Variants in IL17REL observed in about 807,000 individuals in gnomAD.
IL17REL encodes interleukin-17 receptor E-like protein.
In IL17REL, 36 loss-of-function variants were observed where a neutral mutation model predicts 49.0. That is an observed-to-expected ratio of 0.73 (90% confidence interval 0.56 to 0.97). The LOEUF (loss-of-function observed/expected upper bound fraction) is 0.97. IL17REL is among the 50% of genes least tolerant of loss of function. The pLI is 0.00. For synonymous variants in IL17REL, 206 were observed against 192.4 expected (o/e 1.07, Z -0.58); for missense variants, 470 against 453.9 (o/e 1.04, Z -0.32).
intron 7 of IL17REL, 79 bp downstream of exon 9, chr22:49,999,212 C>T (rs533412083): frequency 9.8e-6 from 15 of 1,526,462 alleles, no homozygotes; most frequent in Non-Finnish European, 1.3e-5. Context: ...CTCATCCCCC[C>T]ACGTCAGTCC....
At chr22:49,998,432 G>C in intron 7 of IL17REL, 123 bp from the exon 10 acceptor site, 1 of 881,338 alleles carries the variant, frequency 1.1e-6, no homozygotes, top group Non-Finnish European at 1.7e-6. Flanking sequence ...ATGGGTCTCT[G>C]AGCCCTGGCT....
chr22:49,997,970 A>G, intron 9 of IL17REL, 55 bp downstream of exon 11: 1 of 1,513,714 alleles, frequency 6.6e-7, no homozygotes, highest in Non-Finnish European at 9.1e-7. Flanking sequence ...CCCCGCCCTG[A>G]TGCCCCCTGG....
chr22:49,995,231 G>A (rs2061027951), exon 13 of IL17REL: 1 of 152,560 alleles, frequency 6.6e-6, no homozygotes, highest in Non-Finnish European at 1.5e-5. Flanking sequence ...CAGCTGCCAG[G>A]GCCTTGTCTT....
chr22:50,011,782 G>T (rs1258081889), upstream of IL17REL, among the ~76,000 whole-genome samples: 1 of 152,198 alleles, frequency 6.6e-6, no homozygotes, highest in African/African-American at 2.4e-5. Context: ...TCCCTGAGCT[G>T]AGCCCTCTGC....
chr22:49,995,631 G>A (rs2061030070), exon 13 of IL17REL: 1 of 152,366 alleles, frequency 6.6e-6, no homozygotes, highest in African/African-American at 2.4e-5. Flanking sequence ...ACGTAGGGGT[G>A]GTACTGGCTG....
At chr22:50,012,323 G>T (rs566130799), upstream of IL17REL, among the ~76,000 whole-genome samples, 88 of 152,308 alleles carry the variant, frequency 5.8e-4, 1 homozygote, top group African/African-American at 2.0e-3. Flanking sequence ...TCCGAGGTGG[G>T]CTCACCCTGC....
chr22:49,999,829 C>T (rs1454473833), exon 5 of IL17REL: 2 of 1,509,354 alleles, frequency 1.3e-6, no homozygotes, highest in South Asian at 1.3e-5. Flanking sequence ...GGCGCTCACT[C>T]GCACAGGGGC....
intron 7 of IL17REL, among the ~76,000 whole-genome samples, chr22:49,998,956 T>G (rs1468598564): frequency 1.3e-5 from 2 of 152,058 alleles, no homozygotes; most frequent in African/African-American, 4.8e-5. Context: ...TGTATGTTCG[T>G]GGGTGTCTGT....
rs2146738128 is a variant in IL17REL, at chr22:49,997,084, G to C, written c.975-10C>G. On this transcript the variant is annotated splice_polypyrimidine_tract_variant and intron_variant, in intron 11 of 12. Transcript: ENST00000341280. The stretch of plus-strand genomic sequence containing the variant: ...CGGCTGCCAGGTCACCCTGGGTGGG[G>C]GAGGGCAGGTCACAGGCAATGGGAG... The C allele has an allele frequency of 6.4e-7, 1 of 1,572,798 alleles. No homozygotes were observed. Among genetic ancestry groups the C allele is most frequent in the African/African-American group, 1.4e-5 (1 of 73,472 alleles).
At chr22:49,996,145 G>C (rs1241424528) in exon 13 of IL17REL, 3 of 152,316 alleles carry the variant, frequency 2.0e-5, no homozygotes, top group Non-Finnish European at 4.4e-5. Context: ...GAGCTGAGGA[G>C]ACATTCCAGA....
chr22:50,010,230 C>T (rs998647042), upstream of IL17REL, among the ~76,000 whole-genome samples: 1 of 152,260 alleles, frequency 6.6e-6, no homozygotes, highest in Non-Finnish European at 1.5e-5. Flanking sequence ...GATGGAAGCC[C>T]CGGCCTCGGC....
At chr22:50,010,981 C>A (rs2061137830), upstream of IL17REL, among the ~76,000 whole-genome samples, 1 of 150,194 alleles carries the variant, frequency 6.7e-6, no homozygotes, top group Admixed American at 6.6e-5. Context: ...TGCGGCCCAG[C>A]CTCCCGCCGT....
At chr22:50,003,519 C>CAG (rs1175185706) in intron 1 of IL17REL, among the ~76,000 whole-genome samples, 2 of 39,080 alleles carry the variant, frequency 5.1e-5, no homozygotes, top group African/African-American at 1.9e-4. Context: ...GACTCCATCT[C>CAG]AAAAAAAAAA....
At chr22:49,998,274 A>G in exon 8 of IL17REL, 1 of 1,611,360 alleles carries the variant, frequency 6.2e-7, no homozygotes, top group South Asian at 1.1e-5. Flanking sequence ...GGGTGGTAGT[A>G]GACCGTGTCC....
chr22:49,999,437 G>A lies in IL17REL; in HGVS notation c.540C>T (p.Cys180=), dbSNP rs770750992. The A allele has an allele frequency of 6.8e-6, 11 of 1,612,156 alleles. No individual in the cohort carries two copies. In the Admixed American group the frequency reaches 1.8e-4, roughly 27 times the overall value. ...AGGCCACACCTCCACCGACCTCCAG[G>A]CACAGGCACGGCAGCTCCTGGCTGT... Residue 180 remains cysteine, a synonymous_variant, in exon 6 of 13, where the codon TGC becomes TGT. Coordinates refer to ENST00000341280, the Ensembl canonical transcript of IL17REL.
rs528001042 is a variant in IL17REL, at chr22:50,002,490, CTTTTCTTTTT to C, written c.-41-1269_-41-1260del. Among the ~76,000 whole-genome samples, 374 of 134,360 alleles carry C rather than the reference CTTTTCTTTTT, an allele frequency of 2.8e-3. 10 individuals are homozygous for C. The highest frequency in any genetic ancestry group is 4.4e-4 in the Non-Finnish European group (28 of 63,348). 88.1% of individuals were successfully genotyped at this position (134,360 alleles called of 152,430 possible). On this transcript the variant is annotated intron_variant, in intron 1 of 12. Coordinates refer to ENST00000341280, the Ensembl canonical transcript of IL17REL. ...GGTAAGAAATCCAACTCTTTCTTTTCTTTTCTTTTTTTTTTTTTTTTTTTGAGACAGTCCC... is the reference window on the plus strand; with the variant it reads ...GGTAAGAAATCCAACTCTTTCTTTTCTTTTTTTTTTTTTTGAGACAGTCCC...
In IL17REL at chr22:49,997,354, C is replaced by T. The variant is rs1340182755; in HGVS notation, c.940G>A (p.Ala314Thr). Residue 314 changes from alanine (A) to threonine (T), a missense_variant, in exon 11 of 13, where the codon GCA becomes ACA. By Grantham distance (58) the Ala-to-Thr change is moderately conservative. Transcript: ENST00000341280. ...AGGGAGCGGGCTGGCCTGGAGTGTG[C>T]GTTGGCAGGCAGGGAGCTGTGACTT... The T allele has an allele frequency of 8.1e-6, 13 of 1,613,624 alleles. No individual in the cohort carries two copies. The highest frequency in any genetic ancestry group is 4.0e-5 in the African/African-American group (3 of 74,924).
At chr22:49,996,940 G>C in intron 12 of IL17REL, 54 bp downstream of exon 14, 15 of 892,778 alleles carry the variant, frequency 1.7e-5, no homozygotes, top group Non-Finnish European at 2.5e-5. Flanking sequence ...GGTGTGAACT[G>C]AGGTCCTGCA....
intron 4 of IL17REL, 34 bp downstream of exon 5, chr22:50,000,444 G>A (rs1405606523): frequency 2.6e-6 from 4 of 1,520,630 alleles, no homozygotes; most frequent in Non-Finnish European, 2.7e-6. Context: ...GAGGCTGAAC[G>A]GTAGCTGTGC....
Sources: allele counts gnomAD v4.1 joint callset (sites outside exome capture counted in the v4.1 genomes callset), GRCh38; gene constraint gnomAD v4.1.1; transcripts MANE v1.5; gene names NCBI Gene and HGNC (gene_info 2026-07-23, HGNC 2026-07-21).